DMD: variants seen among roughly 807,000 people sequenced by gnomAD.
DMD encodes dystrophin, also known as mutant dystrophin.
A neutral mutation model predicts 330.1 loss-of-function variants in DMD; 63 were observed. The observed-to-expected ratio is 0.19, with a 90% confidence interval of 0.16 to 0.24. The LOEUF (loss-of-function observed/expected upper bound fraction) is 0.24. Among genes scored for constraint, DMD ranks in the 10% least tolerant of loss-of-function variants. The pLI, the probability that DMD is intolerant of heterozygous loss-of-function variation, is 1.00. For missense variants in DMD, 3,344 were observed against 2,684.1 expected (o/e 1.25, Z -5.43); for synonymous variants, 1,223 against 959.8 (o/e 1.27, Z -5.07).
In DMD at chrX:31,119,363, G is replaced by A. The variant is rs2031941237; in HGVS notation, c.*2556C>T. 8.9e-6 allele frequency: 1 copy of A among 112,104 alleles called. No individual in the cohort carries two copies. Among genetic ancestry groups the A allele is most frequent in the African/African-American group, 3.2e-5 (1 of 30,847 alleles). The allele number at this position is 112,104 out of a possible 1,213,427, so 9.2% of individuals were successfully genotyped here. ...AAGTTTAAAAAAATAATTCGTAAAT[G>A]TTACAGTGTTGGTGTTAAAACACAA... On this transcript the variant is annotated 3_prime_UTR_variant, in exon 79 of 79. Coordinates refer to ENST00000357033, the MANE Select transcript of DMD (RefSeq NM_004006.3).
intron 1 of DMD, among the ~76,000 whole-genome samples, chrX:33,291,797 C>A (rs1411560575): frequency 2.7e-5 from 3 of 110,950 alleles, no homozygotes; most frequent in Non-Finnish European, 5.7e-5. Context: ...TAGTTTCTGG[C>A]CATGTTTCTA....
chrX:31,893,863 C>A (rs932919808), intron 47 of DMD, among the ~76,000 whole-genome samples: 1 of 111,546 alleles, frequency 9.0e-6, no homozygotes, highest in Admixed American at 9.5e-5. Context: ...ATCCTTGGAA[C>A]TGAAAAATGC....
At chrX:32,156,606 C>G (rs910047675) in intron 44 of DMD, among the ~76,000 whole-genome samples, 1 of 101,677 alleles carries the variant, frequency 9.8e-6, no homozygotes, top group Non-Finnish European at 2.0e-5. Flanking sequence ...TGTGTGTATA[C>G]GTATACTTTT....
intron 51 of DMD, among the ~76,000 whole-genome samples, chrX:31,730,158 A>G (rs933519948): frequency 8.9e-6 from 1 of 111,981 alleles, no homozygotes; most frequent in Admixed American, 9.5e-5. Context: ...AAACAGAAAA[A>G]GCACAGAACC....
intron 7 of DMD, among the ~76,000 whole-genome samples, chrX:32,701,327 A>C (rs2147637466): frequency 8.9e-6 from 1 of 112,230 alleles, no homozygotes; most frequent in East Asian, 2.8e-4. Context: ...TATACAACAC[A>C]TATGGCTCAA....
chrX:33,259,601 C>G (rs1204882075), intron 1 of DMD, among the ~76,000 whole-genome samples: 3 of 60,417 alleles, frequency 5.0e-5, no homozygotes, highest in Non-Finnish European at 8.9e-5. Flanking sequence ...AAAATCGCCC[C>G]CCCCCCCCAA....
chrX:32,322,543 A>C (rs6527181), intron 41 of DMD, among the ~76,000 whole-genome samples: 58,316 of 109,502 alleles, frequency 0.53, 12,555 homozygotes, highest in South Asian at 0.81. Flanking sequence ...AGCTTGGGCA[A>C]TAGCAAGACC....
intron 2 of DMD, among the ~76,000 whole-genome samples, chrX:32,885,827 G>GGGAA (rs1557115361): frequency 1.2e-4 from 8 of 64,934 alleles, no homozygotes; most frequent in African/African-American, 1.7e-4. Context: ...CCTTGAGGGG[G>GGGAA]AAAAAAAAAA....
At chrX:32,545,744 TAATA>T (rs933281571) in intron 16 of DMD, among the ~76,000 whole-genome samples, 2 of 111,679 alleles carry the variant, frequency 1.8e-5, no homozygotes, top group Non-Finnish European at 3.8e-5. Flanking sequence ...AAATGCTTAT[TAATA>T]GTTTGTAGAA....
At chrX:33,129,342 T>TTTTTTTTTTTTTTTTTTTTTTG in intron 1 of DMD, among the ~76,000 whole-genome samples, 1 of 90,252 alleles carries the variant, frequency 1.1e-5, no homozygotes, top group Admixed American at 1.3e-4. Flanking sequence ...TTTTTTTTTT[T>TTTTTTTTTTTTTTTTTTTTTTG]TTTTTTTTTT....
At chrX:31,142,054 A>G (rs1465372703) in intron 76 of DMD, among the ~76,000 whole-genome samples, 1 of 112,063 alleles carries the variant, frequency 8.9e-6, no homozygotes, top group Non-Finnish European at 1.9e-5. Context: ...ATGTCATGAA[A>G]GATTTAAAGA....
At chrX:31,598,744 T>C (rs1015115557) in intron 55 of DMD, among the ~76,000 whole-genome samples, 1 of 111,849 alleles carries the variant, frequency 8.9e-6, no homozygotes, top group Admixed American at 9.5e-5. Context: ...AGAAATGTAG[T>C]ATCTGAAATA....
chrX:32,786,672 T>TA (rs1260885102), intron 7 of DMD, among the ~76,000 whole-genome samples: 1 of 111,928 alleles, frequency 8.9e-6, no homozygotes, highest in Admixed American at 9.5e-5. Context: ...ATTAGCCCTG[T>TA]AATAAAATGA....
chrX:33,003,037 G>T (rs895318442), intron 2 of DMD, among the ~76,000 whole-genome samples: 18 of 109,156 alleles, frequency 1.6e-4, no homozygotes, highest in African/African-American at 6.0e-4. Flanking sequence ...GTGGTTTTTG[G>T]TTACCTGGGT....
In DMD at chrX:32,236,116, A is replaced by C. The variant is rs760452744; in HGVS notation, c.6291-19053T>G. ...TCCTCAGCAATGAAAATCTTACATAATCATTTAAAGACCGGTGAAGTGCTG... is the reference window on the plus strand; with the variant it reads ...TCCTCAGCAATGAAAATCTTACATACTCATTTAAAGACCGGTGAAGTGCTG... On this transcript the variant is annotated intron_variant, in intron 43 of 78. Coordinates refer to ENST00000357033, the MANE Select transcript of DMD (RefSeq NM_004006.3). 9.8e-5 allele frequency among the ~76,000 whole-genome samples: 11 copies of C among 112,207 alleles called. No individual in the cohort carries two copies. The South Asian group carries it at 4.0e-3, about 41-fold the overall frequency.
chrX:32,272,396 C>T (rs998914808), intron 43 of DMD, among the ~76,000 whole-genome samples: 1 of 111,925 alleles, frequency 8.9e-6, no homozygotes. Context: ...CTACTGATCT[C>T]GAACATAAAG....
intron 5 of DMD, among the ~76,000 whole-genome samples, chrX:32,819,251 C>T (rs960654904): frequency 5.4e-5 from 6 of 110,893 alleles, no homozygotes; most frequent in African/African-American, 2.0e-4. Flanking sequence ...ACAGGGATGG[C>T]TTTCAGCAGT....
At chrX:31,229,048 T>A (rs2046957136) in intron 63 of DMD, among the ~76,000 whole-genome samples, 1 of 112,214 alleles carries the variant, frequency 8.9e-6, no homozygotes, top group South Asian at 3.7e-4. Context: ...TGCCCCTTTG[T>A]TTAGTCTATG....
chrX:32,480,389 T>C (rs2041727116), intron 21 of DMD, among the ~76,000 whole-genome samples: 1 of 108,684 alleles, frequency 9.2e-6, no homozygotes, highest in Admixed American at 9.6e-5. Flanking sequence ...TGTGTGTGTG[T>C]GTGTGTGTGT....
Sources: gnomAD v4.1 joint callset for allele counts (sites outside exome capture counted in the v4.1 genomes callset) on GRCh38, gnomAD v4.1.1 for gene constraint, MANE v1.5 for transcripts, NCBI Gene and HGNC (gene_info 2026-07-23, HGNC 2026-07-21) for gene names.